The following CA10 variants were observed in gnomAD, a reference collection of about 807,000 sequenced individuals.
CA10 encodes the protein carbonic anhydrase 10 (inactive).
Under a neutral mutation model 44.2 loss-of-function variants are expected in CA10, and 14 were observed. The ratio of observed to expected loss-of-function variants is 0.32; its 90% CI spans 0.21 to 0.50. CA10 has a LOEUF of 0.50. Ranked by LOEUF, CA10 falls within the 20% of genes least tolerant of loss-of-function variation. The pLI is 0.99. For missense variants in CA10, 350 were observed against 409.7 expected, an observed-to-expected ratio of 0.85 and a Z score of 1.26; for synonymous variants, 159 against 141.6, an observed-to-expected ratio of 1.12 and a Z score of -0.87.
At chr17:52,086,517 A>G (rs182960048) in intron 1 of CA10, among the ~76,000 whole-genome samples, 4 of 152,300 alleles carry the variant, frequency 2.6e-5, no homozygotes, top group Middle Eastern at 3.4e-3. Context: ...CATTGACTAG[A>G]ACTTGGCCTC....
chr17:52,071,693 T>A (rs967723760), intron 2 of CA10, among the ~76,000 whole-genome samples: 2 of 152,156 alleles, frequency 1.3e-5, no homozygotes, highest in Non-Finnish European at 2.9e-5. Context: ...GCTTGCTTTT[T>A]CTCTTGCCTC....
intron 1 of CA10, among the ~76,000 whole-genome samples, chr17:52,108,175 AT>A (rs931486471): frequency 1.4e-4 from 20 of 139,878 alleles, no homozygotes; most frequent in African/African-American, 5.0e-4. Context: ...TTTTTAATAT[AT>A]TTTTATATAT....
At chr17:52,084,272 C>T (rs1988058905) in intron 1 of CA10, among the ~76,000 whole-genome samples, 1 of 152,306 alleles carries the variant, frequency 6.6e-6, no homozygotes, top group African/African-American at 2.4e-5. Context: ...CATAAAGCCA[C>T]ATGCAAACCA....
chr17:52,057,364 A>T lies in CA10; in HGVS notation c.136+14955T>A, dbSNP rs1434743800. Among the ~76,000 whole-genome samples the T allele has an allele frequency of 6.6e-5, 10 of 152,102 alleles. No homozygotes were observed. The East Asian group carries it at 1.9e-3, about 29-fold the overall frequency. On this transcript the variant is annotated intron_variant, in intron 2 of 8. Transcript: ENST00000451037. ...ACTCAACATGAAGACAAGGATGAAG[A>T]TCTTTATTATGATCCACTTCCACAT...
At chr17:51,898,840 G>A (rs1981186191) in intron 3 of CA10, among the ~76,000 whole-genome samples, 1 of 151,886 alleles carries the variant, frequency 6.6e-6, no homozygotes, top group African/African-American at 2.4e-5. Flanking sequence ...TGTGCATAGA[G>A]GTATTCATAG....
rs890141673 is a variant in CA10, at chr17:52,045,797, T to C, written c.136+26522A>G. 8.5e-5 allele frequency among the ~76,000 whole-genome samples: 13 copies of C among 152,102 alleles called. 1 individual carries two copies. The East Asian group carries it at 2.3e-3, about 27-fold the overall frequency. On this transcript the variant is annotated intron_variant, in intron 2 of 8. Transcript: ENST00000451037. ...TTAAAACTCCACCAAATAACAGCAC[T>C]ATATGCATTCATTTCAAGTGCACGT...
intron 2 of CA10, among the ~76,000 whole-genome samples, chr17:52,049,368 T>C (rs1598186417): frequency 6.6e-6 from 1 of 152,122 alleles, no homozygotes; most frequent in East Asian, 1.9e-4. Context: ...TCATAAAATA[T>C]GGCCAACAAT....
At chr17:52,004,217 C>T (rs1363516180) in intron 2 of CA10, among the ~76,000 whole-genome samples, 1 of 151,782 alleles carries the variant, frequency 6.6e-6, no homozygotes, top group African/African-American at 2.4e-5. Context: ...AGAATAAATC[C>T]CCATAAGTAA....
intron 3 of CA10, among the ~76,000 whole-genome samples, chr17:51,912,209 T>A (rs547737127): frequency 6.6e-6 from 1 of 152,292 alleles, no homozygotes; most frequent in African/African-American, 2.4e-5. Context: ...TGACATAATT[T>A]CAAGGGTCAG....
At chr17:52,040,453 CATT>C (rs1217393380) in intron 2 of CA10, among the ~76,000 whole-genome samples, 1 of 152,020 alleles carries the variant, frequency 6.6e-6, no homozygotes, top group East Asian at 1.9e-4. Flanking sequence ...AATAGAGAAT[CATT>C]AAAGAAACTT....
At chr17:51,929,559 T>A (rs1054337001) in intron 3 of CA10, among the ~76,000 whole-genome samples, 1 of 152,124 alleles carries the variant, frequency 6.6e-6, no homozygotes, top group Non-Finnish European at 1.5e-5. Flanking sequence ...CACCCCCTGC[T>A]TTTCCTTTTG....
chr17:51,870,514 T>C (rs1288022780), intron 3 of CA10, among the ~76,000 whole-genome samples: 2 of 152,200 alleles, frequency 1.3e-5, no homozygotes, highest in Non-Finnish European at 2.9e-5. Flanking sequence ...TTGAGAATAA[T>C]AAAACAGTCC....
chr17:52,054,166 G>T (rs1240254610), intron 2 of CA10, among the ~76,000 whole-genome samples: 2 of 152,170 alleles, frequency 1.3e-5, no homozygotes, highest in Non-Finnish European at 2.9e-5. Flanking sequence ...GCAAATAGGA[G>T]AAATATCGCT....
intron 3 of CA10, among the ~76,000 whole-genome samples, chr17:51,779,470 A>G (rs1905959292): frequency 6.6e-6 from 1 of 152,202 alleles, no homozygotes; most frequent in Admixed American, 6.5e-5. Context: ...AATTGGGGGA[A>G]AATATGCAGG....
chr17:51,831,580 T>C (rs2143785116), intron 3 of CA10, among the ~76,000 whole-genome samples: 1 of 152,144 alleles, frequency 6.6e-6, no homozygotes, highest in Admixed American at 6.5e-5. Flanking sequence ...AAGTAGCACA[T>C]CTTTTCAATT....
At chr17:51,750,205 C>T (rs768971564) in intron 3 of CA10, among the ~76,000 whole-genome samples, 5 of 152,166 alleles carry the variant, frequency 3.3e-5, no homozygotes, top group Admixed American at 6.5e-5. Context: ...GACAGCAAAT[C>T]GACCACAATT....
chr17:51,964,762 TA>T (rs1984018845), intron 2 of CA10, among the ~76,000 whole-genome samples: 1 of 151,842 alleles, frequency 6.6e-6, no homozygotes, highest in South Asian at 2.1e-4. Flanking sequence ...AAAACAGTGC[TA>T]AAAGGAAAGT....
At chr17:52,048,647 G>A (rs889249309) in intron 2 of CA10, among the ~76,000 whole-genome samples, 1 of 152,020 alleles carries the variant, frequency 6.6e-6, no homozygotes, top group African/African-American at 2.4e-5. Flanking sequence ...GAGCCCTCAG[G>A]GTGGGGTAGA....
chr17:51,776,691 A>G (rs968374959), intron 3 of CA10, among the ~76,000 whole-genome samples: 1 of 152,258 alleles, frequency 6.6e-6, no homozygotes, highest in Non-Finnish European at 1.5e-5. Context: ...AAAGCTTTCC[A>G]GTAACTGAAC....
Sources: gnomAD v4.1 joint callset for allele counts (sites outside exome capture counted in the v4.1 genomes callset) on GRCh38, gnomAD v4.1.1 for gene constraint, MANE v1.5 for transcripts, NCBI Gene and HGNC (gene_info 2026-07-23, HGNC 2026-07-21) for gene names.